GALNTL6: variants seen among roughly 807,000 people sequenced by gnomAD.
GALNTL6 encodes the protein polypeptide N-acetylgalactosaminyltransferase-like 6.
In GALNTL6, 46 loss-of-function variants were observed where a neutral mutation model predicts 73.7. The ratio of observed to expected loss-of-function variants is 0.62; its 90% confidence interval spans 0.49 to 0.80. The LOEUF is 0.80. Ranked by LOEUF, GALNTL6 falls within the 30% of genes least tolerant of loss-of-function variation. The probability of loss-of-function intolerance (pLI) is 0.00; values close to 1 mark genes in which losing one functional copy is unlikely to be tolerated. For missense variants in GALNTL6, 604 were observed against 755.0 expected (o/e 0.80, Z 2.34); for synonymous variants, 259 against 263.7 (o/e 0.98, Z 0.17).
intron 2 of GALNTL6, among the ~76,000 whole-genome samples, chr4:172,000,502 C>T (rs891851521): frequency 2.6e-5 from 4 of 152,094 alleles, no homozygotes; most frequent in Non-Finnish European, 5.9e-5. Flanking sequence ...TATGCCACAC[C>T]TATCACCACC....
chr4:172,564,949 A>T (rs1736504238), intron 5 of GALNTL6, among the ~76,000 whole-genome samples: 1 of 152,236 alleles, frequency 6.6e-6, no homozygotes, highest in African/African-American at 2.4e-5. Flanking sequence ...CTGCTATAAA[A>T]ATATACCTTA....
intron 2 of GALNTL6, among the ~76,000 whole-genome samples, chr4:171,820,587 T>C (rs1417276859): frequency 6.6e-6 from 1 of 152,186 alleles, no homozygotes; most frequent in African/African-American, 2.4e-5. Flanking sequence ...AATAGGTAGG[T>C]AGGGGAATTT....
intron 2 of GALNTL6, among the ~76,000 whole-genome samples, chr4:172,184,012 C>T (rs376571849): frequency 7.4e-4 from 112 of 152,136 alleles, no homozygotes; most frequent in African/African-American, 2.6e-3. Flanking sequence ...AGGATGGTCT[C>T]GATCTCCTGA....
chr4:172,939,767 CT>C (rs1748822864), intron 9 of GALNTL6, among the ~76,000 whole-genome samples: 1 of 152,164 alleles, frequency 6.6e-6, no homozygotes, highest in Admixed American at 6.5e-5. Flanking sequence ...TTTTTAAACA[CT>C]GGGCATTTCC....
intron 4 of GALNTL6, among the ~76,000 whole-genome samples, chr4:172,348,161 C>G (rs1037465806): frequency 6.6e-6 from 1 of 152,164 alleles, no homozygotes; most frequent in Admixed American, 6.6e-5. Flanking sequence ...GGAAGTCCAT[C>G]TAAACCTTAA....
chr4:172,635,985 C>T (rs542923646), intron 5 of GALNTL6, among the ~76,000 whole-genome samples: 7 of 152,256 alleles, frequency 4.6e-5, no homozygotes, highest in Non-Finnish European at 8.8e-5. Context: ...AATAAATTTT[C>T]AGTCCACCTT....
chr4:172,906,007 A>G (rs141926983), intron 8 of GALNTL6, among the ~76,000 whole-genome samples: 30 of 152,322 alleles, frequency 2.0e-4, no homozygotes, highest in Non-Finnish European at 4.0e-4. Flanking sequence ...GCAGCTATCA[A>G]TTCTCCAAAG....
At chr4:172,619,273 T>C (rs1738863080) in intron 5 of GALNTL6, among the ~76,000 whole-genome samples, 1 of 152,130 alleles carries the variant, frequency 6.6e-6, no homozygotes, top group Non-Finnish European at 1.5e-5. Flanking sequence ...CGACAGCCAA[T>C]CACGTCTCTC....
chr4:172,333,481 ATTAT>A (rs1175163759), intron 4 of GALNTL6, among the ~76,000 whole-genome samples: 2 of 152,102 alleles, frequency 1.3e-5, no homozygotes, highest in Non-Finnish European at 2.9e-5. Flanking sequence ...TTTTAATATA[ATTAT>A]TTGTTTTTCT....
chr4:172,100,754 G>A (rs1732487391), intron 2 of GALNTL6, among the ~76,000 whole-genome samples: 1 of 152,080 alleles, frequency 6.6e-6, no homozygotes, highest in African/African-American at 2.4e-5. Flanking sequence ...AAGGAAATGA[G>A]TTTTATGATG....
At chr4:172,109,412 A>AG (rs1732789423) in intron 2 of GALNTL6, among the ~76,000 whole-genome samples, 1 of 152,242 alleles carries the variant, frequency 6.6e-6, no homozygotes, top group African/African-American at 2.4e-5. Flanking sequence ...TGACAGAGAG[A>AG]AGAAAATATG....
At chr4:171,970,677 A>G (rs941967956) in intron 2 of GALNTL6, among the ~76,000 whole-genome samples, 3 of 152,188 alleles carry the variant, frequency 2.0e-5, no homozygotes, top group African/African-American at 7.2e-5. Flanking sequence ...AATTTCTTAT[A>G]TTTAAAAACT....
intron 2 of GALNTL6, among the ~76,000 whole-genome samples, chr4:172,186,713 A>G (rs990027799): frequency 6.6e-6 from 1 of 152,120 alleles, no homozygotes; most frequent in African/African-American, 2.4e-5. Context: ...TTTATATGAA[A>G]TATGAACAAT....
rs377681591 is a variant in GALNTL6, at chr4:172,942,999, C to T, written c.1150-9038C>T. ...AATCAATCACGTAAAATTATTCCAG[C>T]ATACTCTGACCCTCACACCCAGCCA... is the stretch of plus-strand genomic sequence containing the variant. On this transcript the variant is annotated intron_variant, in intron 9 of 12. Coordinates refer to ENST00000506823, the MANE Select transcript of GALNTL6 (RefSeq NM_001034845.3). Among the ~76,000 whole-genome samples, 18 of 152,248 alleles carry T rather than the reference C, an allele frequency of 1.2e-4. No homozygotes were observed. The East Asian group carries it at 2.9e-3, about 25-fold the overall frequency.
At chr4:172,142,772 A>G (rs1733834728) in intron 2 of GALNTL6, among the ~76,000 whole-genome samples, 1 of 152,016 alleles carries the variant, frequency 6.6e-6, no homozygotes, top group Non-Finnish European at 1.5e-5. Flanking sequence ...GGTTACAATG[A>G]GTTCATATTC....
intron 2 of GALNTL6, among the ~76,000 whole-genome samples, chr4:171,993,628 AG>A (rs1428443849): frequency 1.2e-4 from 18 of 152,096 alleles, no homozygotes; most frequent in Admixed American, 1.2e-3. Context: ...CTTAGAGTAG[AG>A]GACTGAAAAA....
chr4:173,035,972 T>C (rs1200404985), intron 12 of GALNTL6, among the ~76,000 whole-genome samples: 1 of 152,236 alleles, frequency 6.6e-6, no homozygotes, highest in African/African-American at 2.4e-5. Context: ...AGTTATTTAC[T>C]TATAGGCAGG....
intron 5 of GALNTL6, among the ~76,000 whole-genome samples, chr4:172,514,201 G>A (rs1460883115): frequency 6.6e-6 from 1 of 152,194 alleles, no homozygotes; most frequent in Non-Finnish European, 1.5e-5. Context: ...TACTATCAGG[G>A]TGGGTACTGA....
intron 5 of GALNTL6, among the ~76,000 whole-genome samples, chr4:172,672,860 A>G (rs543914534): frequency 6.6e-6 from 1 of 152,152 alleles, no homozygotes; most frequent in South Asian, 2.1e-4. Flanking sequence ...CTGTGGGGTC[A>G]TTGGTAATAT....
Sources: gnomAD v4.1 joint callset for allele counts (sites outside exome capture counted in the v4.1 genomes callset) on GRCh38, gnomAD v4.1.1 for gene constraint, MANE v1.5 for transcripts, NCBI Gene and HGNC (gene_info 2026-07-23, HGNC 2026-07-21) for gene names.